UGT1A10: variants seen among roughly 807,000 people sequenced by gnomAD.
The protein encoded by UGT1A10 is UDP glucuronosyltransferase family 1 member A10, also known as UDP-glucuronosyltransferase 1A10.
UGT1A10 carries 49 observed loss-of-function variants against 45.8 expected under a neutral mutation model. The ratio of observed to expected loss-of-function variants is 1.07; its 90% CI spans 0.85 to 1.36. UGT1A10 has a LOEUF of 1.36. UGT1A10 is among the 40% of genes most tolerant of loss of function. The pLI, the probability that UGT1A10 is intolerant of heterozygous loss-of-function variation, is 0.00. For missense variants in UGT1A10, 745 were observed against 668.6 expected, an observed-to-expected ratio of 1.11 and a Z score of -1.26; for synonymous variants, 284 against 249.7, an observed-to-expected ratio of 1.14 and a Z score of -1.29.
chr2:233,740,331 G>A (rs533064296), intron 1 of UGT1A10, among the ~76,000 whole-genome samples: 2 of 152,056 alleles, frequency 1.3e-5, no homozygotes, highest in Non-Finnish European at 2.9e-5. Flanking sequence ...CATTTATTGA[G>A]AAAGTTGATG....
intron 1 of UGT1A10, chr2:233,754,454 C>T: frequency 5.6e-6 from 2 of 355,014 alleles, no homozygotes; most frequent in Admixed American, 3.8e-5. Context: ...TTCTTGGGTA[C>T]AGCTGTTCTG....
chr2:233,729,418 C>A, intron 1 of UGT1A10: 1 of 1,613,756 alleles, frequency 6.2e-7, no homozygotes, highest in Middle Eastern at 1.6e-4. Context: ...GGGCCACACT[C>A]AACTGTACTT....
chr2:233,692,971 C>G, intron 1 of UGT1A10: 2 of 1,611,844 alleles, frequency 1.2e-6, no homozygotes, highest in South Asian at 1.1e-5. Flanking sequence ...AGTGAAAACT[C>G]TTTATTACCG....
intron 1 of UGT1A10, among the ~76,000 whole-genome samples, chr2:233,756,569 C>G (rs1206188588): frequency 6.6e-6 from 1 of 152,130 alleles, no homozygotes; most frequent in Non-Finnish European, 1.5e-5. Flanking sequence ...TCCTCTCAGA[C>G]AAAAGGAAAT....
chr2:233,729,158 G>A (rs771653845), intron 1 of UGT1A10: 35 of 1,613,348 alleles, frequency 2.2e-5, no homozygotes, highest in East Asian at 4.5e-5. Context: ...CCCCTGCCGT[G>A]GCTGGCCACA....
chr2:233,745,917 G>A (rs976773367), intron 1 of UGT1A10, among the ~76,000 whole-genome samples: 1 of 151,628 alleles, frequency 6.6e-6, no homozygotes, highest in Non-Finnish European at 1.5e-5. Flanking sequence ...AGCTGAGGCA[G>A]TGATTCAGAA....
chr2:233,681,969 C>T (rs1307548052), intron 1 of UGT1A10: 9 of 1,613,970 alleles, frequency 5.6e-6, no homozygotes, highest in East Asian at 4.5e-5. Context: ...GGCCTCCTTC[C>T]CCTATATGTG....
chr2:233,763,358 T>G (rs1698289277), intron 1 of UGT1A10, among the ~76,000 whole-genome samples: 1 of 152,246 alleles, frequency 6.6e-6, no homozygotes, highest in Admixed American at 6.5e-5. Context: ...TCTTTAGTAC[T>G]CCTTTGTCTT....
Position 233,641,616 on chromosome 2 carries a change from G to C in UGT1A10, c.855+4239G>C, listed in dbSNP as rs188908446. ...ATTACCAGTGAGTTTTGTACCTTCA[G>C]ATGATTTCTTCTTGCTCATGAGCTT... On this transcript the variant is annotated intron_variant, in intron 1 of 4. Transcript: ENST00000344644. 7.9e-5 allele frequency among the ~76,000 whole-genome samples: 12 copies of C among 152,282 alleles called. No homozygotes were observed. In the East Asian group the frequency reaches 1.9e-3, roughly 25 times the overall value.
intron 1 of UGT1A10, chr2:233,755,206 C>T (rs1478561208): frequency 9.3e-7 from 1 of 1,072,996 alleles, no homozygotes; most frequent in Non-Finnish European, 1.3e-6. Flanking sequence ...TTGCGGTACG[C>T]CTTCTTGATA....
chr2:233,691,628 G>A (rs10445704), intron 1 of UGT1A10: 398,723 of 985,222 alleles, frequency 0.4, 81,149 homozygotes, highest in South Asian at 0.46. Context: ...CAGCAGTGTG[G>A]TTAGCAGGCA....
intron 1 of UGT1A10, among the ~76,000 whole-genome samples, chr2:233,715,728 C>T (rs17862871): frequency 0.1 from 15,454 of 152,176 alleles, 903 homozygotes; most frequent in East Asian, 0.2. Flanking sequence ...GCCATGTTCA[C>T]GCCACCTCAC....
chr2:233,719,218 A>G, intron 1 of UGT1A10: 2 of 1,614,250 alleles, frequency 1.2e-6, no homozygotes, highest in Non-Finnish European at 1.7e-6. Context: ...GAGCTACTGC[A>G]TAATGAGGCC....
At chr2:233,684,933 T>C (rs558186766) in intron 1 of UGT1A10, among the ~76,000 whole-genome samples, 2 of 148,394 alleles carry the variant, frequency 1.3e-5, no homozygotes, top group East Asian at 3.9e-4. Context: ...ACAGGATTCA[T>C]AGTCTGCATT....
At chr2:233,704,833 A>AGAG in intron 1 of UGT1A10, among the ~76,000 whole-genome samples, 1 of 152,130 alleles carries the variant, frequency 6.6e-6, no homozygotes, top group Non-Finnish European at 1.5e-5. Context: ...ATTGCTTTTA[A>AGAG]AATCAGTTAA....
chr2:233,674,101 T>G (rs914581606), intron 1 of UGT1A10, among the ~76,000 whole-genome samples: 3 of 152,206 alleles, frequency 2.0e-5, no homozygotes, highest in Admixed American at 1.3e-4. Flanking sequence ...TTTGGAGGGA[T>G]GGAGTATACA....
chr2:233,646,138 G>A (rs2073595571), intron 1 of UGT1A10, among the ~76,000 whole-genome samples: 1 of 152,216 alleles, frequency 6.6e-6, no homozygotes, highest in Non-Finnish European at 1.5e-5. Flanking sequence ...AAGCCATGGT[G>A]TGAGCTGTAC....
At chr2:233,696,632 A>G (rs1267389577) in intron 1 of UGT1A10, among the ~76,000 whole-genome samples, 1 of 151,990 alleles carries the variant, frequency 6.6e-6, no homozygotes, top group Non-Finnish European at 1.5e-5. Context: ...CTCTTGCTTA[A>G]TTGCTTTGGA....
chr2:233,710,224 C>G (rs2076120993), intron 1 of UGT1A10, among the ~76,000 whole-genome samples: 1 of 152,156 alleles, frequency 6.6e-6, no homozygotes, highest in African/African-American at 2.4e-5. Flanking sequence ...AATAAAGCTG[C>G]TATGACTATT....
Sources: allele counts gnomAD v4.1 joint callset (sites outside exome capture counted in the v4.1 genomes callset), GRCh38; gene constraint gnomAD v4.1.1; transcripts MANE v1.5; gene names NCBI Gene and HGNC (gene_info 2026-07-23, HGNC 2026-07-21).